NKAIN2: variants seen among roughly 807,000 people sequenced by gnomAD.
The protein encoded by NKAIN2 is sodium/potassium transporting ATPase interacting 2.
In NKAIN2, 14 loss-of-function variants were observed where a neutral mutation model predicts 32.6. The ratio of observed to expected loss-of-function variants is 0.43; its 90% CI spans 0.28 to 0.67. NKAIN2 has a LOEUF of 0.67. NKAIN2 is among the 30% of genes least tolerant of loss of function. The pLI, the probability that NKAIN2 is intolerant of heterozygous loss-of-function variation, is 0.17. For missense variants in NKAIN2, 198 were observed against 258.3 expected (o/e 0.77, Z 1.60); for synonymous variants, 80 against 87.2 (o/e 0.92, Z 0.46).
intron 1 of NKAIN2, among the ~76,000 whole-genome samples, chr6:124,072,072 C>T (rs1783492274): frequency 6.6e-6 from 1 of 152,154 alleles, no homozygotes; most frequent in Non-Finnish European, 1.5e-5. Flanking sequence ...ATGGAATCAA[C>T]CTAGGTGCCC....
intron 4 of NKAIN2, among the ~76,000 whole-genome samples, chr6:124,747,970 G>A (rs183126602): frequency 1.3e-4 from 20 of 151,526 alleles, no homozygotes; most frequent in East Asian, 3.9e-4. Context: ...TTGCCAGTCC[G>A]TCACAATGAA....
At chr6:124,703,467 C>T (rs1207087192) in intron 4 of NKAIN2, among the ~76,000 whole-genome samples, 1 of 151,980 alleles carries the variant, frequency 6.6e-6, no homozygotes, top group Non-Finnish European at 1.5e-5. Flanking sequence ...ATTTAATTCA[C>T]ACATTTCTTG....
intron 1 of NKAIN2, among the ~76,000 whole-genome samples, chr6:124,150,668 T>C (rs1787669250): frequency 6.6e-6 from 1 of 152,184 alleles, no homozygotes; most frequent in African/African-American, 2.4e-5. Flanking sequence ...CATTTATTTT[T>C]ATATTTTTGA....
intron 1 of NKAIN2, among the ~76,000 whole-genome samples, chr6:124,137,241 A>C (rs1786855249): frequency 6.6e-6 from 1 of 152,130 alleles, no homozygotes; most frequent in Non-Finnish European, 1.5e-5. Context: ...TACATTAAGA[A>C]CTCAATCTTT....
chr6:123,864,127 A>G (rs1303104888), intron 1 of NKAIN2, among the ~76,000 whole-genome samples: 2 of 152,160 alleles, frequency 1.3e-5, no homozygotes, highest in African/African-American at 2.4e-5. Flanking sequence ...TGTTGAAAGC[A>G]TGAGAAAGCT....
chr6:123,916,257 T>C (rs1047701292), intron 1 of NKAIN2, among the ~76,000 whole-genome samples: 1 of 152,142 alleles, frequency 6.6e-6, no homozygotes, highest in African/African-American at 2.4e-5. Context: ...CTCCAATATT[T>C]TATTTTATTG....
At chr6:124,327,356 G>T (rs1797459861) in intron 2 of NKAIN2, among the ~76,000 whole-genome samples, 1 of 148,568 alleles carries the variant, frequency 6.7e-6, no homozygotes, top group Non-Finnish European at 1.5e-5. Context: ...TTTGATATAT[G>T]TATCATCTTT....
chr6:124,264,868 T>C (rs1050416526), intron 1 of NKAIN2, among the ~76,000 whole-genome samples: 5 of 152,184 alleles, frequency 3.3e-5, no homozygotes, highest in Non-Finnish European at 7.3e-5. Context: ...TATAAAATGG[T>C]GAATAAAACA....
chr6:124,819,384 C>T (rs1781300480), intron 6 of NKAIN2, among the ~76,000 whole-genome samples: 1 of 152,124 alleles, frequency 6.6e-6, no homozygotes, highest in Non-Finnish European at 1.5e-5. Flanking sequence ...AATAATCTTG[C>T]ACCGTGCCTG....
chr6:123,887,571 C>T (rs536553412), intron 1 of NKAIN2, among the ~76,000 whole-genome samples: 1 of 152,210 alleles, frequency 6.6e-6, no homozygotes, highest in African/African-American at 2.4e-5. Flanking sequence ...TTCCTGCACA[C>T]CCAGTTTTTG....
At chr6:124,295,618 G>T (rs1471251190) in intron 2 of NKAIN2, among the ~76,000 whole-genome samples, 1 of 152,050 alleles carries the variant, frequency 6.6e-6, no homozygotes, top group East Asian at 1.9e-4. Context: ...TTTTATTTAA[G>T]GAGAAATTAG....
At chr6:124,295,602 T>G (rs1047305483) in intron 2 of NKAIN2, among the ~76,000 whole-genome samples, 1 of 152,140 alleles carries the variant, frequency 6.6e-6, no homozygotes, top group Admixed American at 6.5e-5. Context: ...GTTTGCAAAA[T>G]CCTAATTTTA....
rs192022226 is a variant in NKAIN2 at position 124,307,393 on chromosome 6, C to T, written c.192+24251C>T. On this transcript the variant is annotated intron_variant, in intron 2 of 6. Coordinates refer to ENST00000368417, the MANE Select transcript of NKAIN2 (RefSeq NM_001040214.3). ...TTTATTGTGTATTTCTTATTCCACA[C>T]GGTACTATCTTAAGAAACCTCTGGG... Among the ~76,000 whole-genome samples, 165 of 152,236 alleles carry T rather than the reference C, an allele frequency of 1.1e-3. 1 individual carries two copies. Among genetic ancestry groups the T allele is most frequent in the Middle Eastern group, 3.4e-3 (1 of 294 alleles).
At chr6:123,932,784 T>A (rs1776316432) in intron 1 of NKAIN2, among the ~76,000 whole-genome samples, 2 of 151,004 alleles carry the variant, frequency 1.3e-5, no homozygotes, top group African/African-American at 4.9e-5. Context: ...TTTTTTTTTT[T>A]AATTTCTCCC....
chr6:124,439,807 G>C (rs1266651853), intron 3 of NKAIN2, among the ~76,000 whole-genome samples: 1 of 151,966 alleles, frequency 6.6e-6, no homozygotes, highest in East Asian at 1.9e-4. Context: ...CCATATACAT[G>C]ATGAGAAAAT....
chr6:124,656,018 T>C (rs975259672), intron 3 of NKAIN2, among the ~76,000 whole-genome samples: 3 of 152,178 alleles, frequency 2.0e-5, no homozygotes, highest in Admixed American at 6.5e-5. Context: ...GCTTAGTCTC[T>C]TGTTGGTTGC....
intron 4 of NKAIN2, among the ~76,000 whole-genome samples, chr6:124,703,950 GA>G (rs570628277): frequency 7.5e-4 from 113 of 149,934 alleles, no homozygotes; most frequent in African/African-American, 2.5e-3. Context: ...TATGTCTCTA[GA>G]AAAAAAAATA....
At chr6:124,276,117 T>C (rs1795020036) in intron 1 of NKAIN2, among the ~76,000 whole-genome samples, 1 of 152,118 alleles carries the variant, frequency 6.6e-6, no homozygotes, top group Non-Finnish European at 1.5e-5. Context: ...TTGGTGGTGT[T>C]TCGTTGTGGT....
intron 1 of NKAIN2, among the ~76,000 whole-genome samples, chr6:124,072,275 T>C (rs1355169685): frequency 6.6e-6 from 1 of 151,942 alleles, no homozygotes; most frequent in African/African-American, 2.4e-5. Context: ...AGCTAGACAC[T>C]GGGTGCTCAT....
Sources: allele counts gnomAD v4.1 joint callset (sites outside exome capture counted in the v4.1 genomes callset), GRCh38; gene constraint gnomAD v4.1.1; transcripts MANE v1.5; gene names NCBI Gene and HGNC (gene_info 2026-07-23, HGNC 2026-07-21).